Variants in ARHGAP28 observed in about 807,000 individuals in gnomAD.
The protein encoded by ARHGAP28 is Rho GTPase activating protein 28, also known as rho GTPase-activating protein 28.
Under a neutral mutation model 90.7 loss-of-function variants are expected in ARHGAP28, and 56 were observed. The ratio of observed to expected loss-of-function variants is 0.62; its 90% CI spans 0.50 to 0.77. The LOEUF (loss-of-function observed/expected upper bound fraction) is 0.77. Ranked by LOEUF, ARHGAP28 falls within the 30% of genes least tolerant of loss-of-function variation. The pLI is 0.00. For missense variants in ARHGAP28, 869 were observed against 900.9 expected (o/e 0.96, Z 0.45); for synonymous variants, 308 against 323.3 (o/e 0.95, Z 0.51).
At chr18:6,901,541 A>T (rs914584418) in intron 16 of ARHGAP28, among the ~76,000 whole-genome samples, 23 of 24,794 alleles carry the variant, frequency 9.3e-4, no homozygotes, top group Admixed American at 2.4e-3. Context: ...TTGATATGAT[A>T]AAAAAAAAAA....
chr18:6,859,610 C>T (rs1431629699), intron 4 of ARHGAP28, among the ~76,000 whole-genome samples, 198 bp from the exon 5 acceptor site: 2 of 152,154 alleles, frequency 1.3e-5, no homozygotes, highest in African/African-American at 4.8e-5. Flanking sequence ...GCCACAGAGG[C>T]CAGTGTCCTT....
chr18:6,847,467 C>A (rs910591533), intron 3 of ARHGAP28, among the ~76,000 whole-genome samples: 1 of 152,064 alleles, frequency 6.6e-6, no homozygotes, highest in African/African-American at 2.4e-5. Context: ...ATGTTGCATC[C>A]TCTGTGAGTA....
At chr18:6,761,469 G>A (rs941868252) in intron 1 of ARHGAP28, among the ~76,000 whole-genome samples, 10 of 152,122 alleles carry the variant, frequency 6.6e-5, no homozygotes, top group East Asian at 1.9e-4. Context: ...TCTAGCCCAC[G>A]GTGTTAAGTG....
At chr18:6,877,980 G>A (rs2057145532) in intron 10 of ARHGAP28, among the ~76,000 whole-genome samples, 1 of 152,074 alleles carries the variant, frequency 6.6e-6, no homozygotes, top group African/African-American at 2.4e-5. Context: ...ATGTGCATGT[G>A]TGTGTGTGTA....
chr18:6,815,695 A>T (rs1331914605), intron 1 of ARHGAP28, among the ~76,000 whole-genome samples: 1 of 152,036 alleles, frequency 6.6e-6, no homozygotes, highest in African/African-American at 2.4e-5. Flanking sequence ...ACACACACAC[A>T]TATATAATTT....
chr18:6,843,800 G>A (rs2056845387), intron 3 of ARHGAP28, among the ~76,000 whole-genome samples: 1 of 152,178 alleles, frequency 6.6e-6, no homozygotes, highest in African/African-American at 2.4e-5. Flanking sequence ...CAGGCAAGGT[G>A]AAGAATGACA....
At chr18:6,796,133 A>G (rs2056440072) in intron 1 of ARHGAP28, among the ~76,000 whole-genome samples, 1 of 152,224 alleles carries the variant, frequency 6.6e-6, no homozygotes, top group Non-Finnish European at 1.5e-5. Flanking sequence ...GAACGTACCA[A>G]GAGAAACAGG....
intron 4 of ARHGAP28, 51 bp from the exon 5 acceptor site, chr18:6,859,757 A>T: frequency 6.5e-7 from 1 of 1,534,482 alleles, no homozygotes; most frequent in Non-Finnish European, 9.0e-7. Context: ...ACACAAACAC[A>T]TTAGAAAGTA....
At chr18:6,855,777 G>A (rs1440745889) in intron 4 of ARHGAP28, among the ~76,000 whole-genome samples, 1 of 152,148 alleles carries the variant, frequency 6.6e-6, no homozygotes, top group African/African-American at 2.4e-5. Flanking sequence ...AGGCTTCTAG[G>A]CACCACCGCA....
chr18:6,839,441 CAG>C, intron 3 of ARHGAP28, among the ~76,000 whole-genome samples: 1 of 152,026 alleles, frequency 6.6e-6, no homozygotes, highest in African/African-American at 2.4e-5. Flanking sequence ...CTATAGGCGC[CAG>C]CCACCACGCC....
chr18:6,896,755 T>A, intron 16 of ARHGAP28, 129 bp downstream of exon 16: 1 of 1,062,654 alleles, frequency 9.4e-7, no homozygotes, highest in Non-Finnish European at 1.3e-6. Flanking sequence ...AGTTTACCAG[T>A]GGATTACGAG....
At chr18:6,736,831 A>G (rs2055933091) in intron 1 of ARHGAP28, among the ~76,000 whole-genome samples, 1 of 143,410 alleles carries the variant, frequency 7.0e-6, no homozygotes, top group Admixed American at 6.7e-5. Context: ...CACTTTGCCT[A>G]GAGAGTATTA....
chr18:6,803,397 A>T (rs1218043999), intron 1 of ARHGAP28, among the ~76,000 whole-genome samples: 1 of 152,128 alleles, frequency 6.6e-6, no homozygotes, highest in Non-Finnish European at 1.5e-5. Context: ...TTATTTTTCA[A>T]ACGTTAAATC....
chr18:6,826,002 T>C (rs936749121), intron 2 of ARHGAP28, among the ~76,000 whole-genome samples: 17 of 152,328 alleles, frequency 1.1e-4, no homozygotes, highest in Middle Eastern at 3.4e-3. Context: ...AAATGGTAGC[T>C]CTATTTTAAG....
intron 7 of ARHGAP28, among the ~76,000 whole-genome samples, chr18:6,871,765 G>A (rs1387153266): frequency 1.3e-5 from 2 of 152,154 alleles, no homozygotes; most frequent in Non-Finnish European, 1.5e-5. Context: ...TGTACCAGGT[G>A]ACTTGGACCG....
chr18:6,887,339 C>A, intron 12 of ARHGAP28, 100 bp downstream of exon 12: 1 of 1,053,552 alleles, frequency 9.5e-7, no homozygotes, highest in Non-Finnish European at 1.4e-6. Context: ...CTCACTGAGC[C>A]ACCTGAGCAT....
intron 16 of ARHGAP28, among the ~76,000 whole-genome samples, chr18:6,899,560 T>C (rs563363929): frequency 6.6e-6 from 1 of 152,244 alleles, no homozygotes; most frequent in African/African-American, 2.4e-5. Flanking sequence ...CACCACCCCA[T>C]GGTTTCGGTG....
At chr18:6,842,402 A>G (rs772549981) in intron 3 of ARHGAP28, among the ~76,000 whole-genome samples, 45 of 152,094 alleles carry the variant, frequency 3.0e-4, no homozygotes, top group Non-Finnish European at 5.4e-4. Flanking sequence ...CATATTGCTA[A>G]TTTACTGAAG....
At chr18:6,798,691 G>A (rs927742198) in intron 1 of ARHGAP28, among the ~76,000 whole-genome samples, 4 of 152,174 alleles carry the variant, frequency 2.6e-5, no homozygotes, top group African/African-American at 7.2e-5. Flanking sequence ...GACTCAGAGG[G>A]AGGGTGAGGA....
Sources: gnomAD v4.1 joint callset for allele counts (sites outside exome capture counted in the v4.1 genomes callset) on GRCh38, gnomAD v4.1.1 for gene constraint, MANE v1.5 for transcripts, NCBI Gene and HGNC (gene_info 2026-07-23, HGNC 2026-07-21) for gene names.